LOC131768270: variants seen among roughly 807,000 people sequenced by gnomAD.
At chr5:140,567,646 G>C in the LOC131768270 span, 12 of 1,614,124 alleles carry the variant, frequency 7.4e-6, no homozygotes, top group Non-Finnish European at 1.0e-5. Context: ...ATGCAGCAGG[G>C]GGCCTTCAAG....
the LOC131768270 span, chr5:140,567,304 A>G: frequency 6.2e-7 from 1 of 1,614,118 alleles, no homozygotes; most frequent in East Asian, 2.2e-5. Context: ...TGGACGGCCG[A>G]GTGCCCTTCC....
chr5:140,567,938 G>C, the LOC131768270 span: 1 of 1,614,184 alleles, frequency 6.2e-7, no homozygotes, highest in Non-Finnish European at 8.5e-7. Context: ...AGCACTCGTG[G>C]TGCTGAGCCA....
chr5:140,565,616 G>T, the LOC131768270 span: 1 of 280,354 alleles, frequency 3.6e-6, no homozygotes, highest in Non-Finnish European at 6.6e-6. Context: ...CCTACATACT[G>T]CTTGCTATAT....
the LOC131768270 span, chr5:140,565,938 T>TG: frequency 2.5e-6 from 1 of 398,948 alleles, no homozygotes; most frequent in Non-Finnish European, 4.4e-6. Flanking sequence ...TGCAGCGGCG[T>TG]GTAGAAGACG....
At chr5:140,566,084 C>A in the LOC131768270 span, 4 of 396,534 alleles carry the variant, frequency 1.0e-5, no homozygotes, top group Admixed American at 1.3e-4. Flanking sequence ...AGGGCCTATT[C>A]TCAGTCACCC....
chr5:140,566,205 G>C, the LOC131768270 span, among the ~76,000 whole-genome samples: 2 of 152,182 alleles, frequency 1.3e-5, no homozygotes, highest in African/African-American at 4.8e-5. Context: ...TAAAGGCCTT[G>C]TGGTAGGAAG....
chr5:140,568,073 C>G, the LOC131768270 span: 1 of 1,613,942 alleles, frequency 6.2e-7, no homozygotes, highest in African/African-American at 1.3e-5. Flanking sequence ...ACGGCTGCAG[C>G]TCACAGCCGC....
chr5:140,566,290 C>T, the LOC131768270 span, among the ~76,000 whole-genome samples: 110 of 152,242 alleles, frequency 7.2e-4, no homozygotes, highest in African/African-American at 2.5e-3. Flanking sequence ...GGAAATGAGG[C>T]TGGAGAAACC....
chr5:140,565,965 G>A, the LOC131768270 span: 7 of 398,730 alleles, frequency 1.8e-5, no homozygotes, highest in Non-Finnish European at 2.2e-5. Context: ...ACAGTGGAGT[G>A]GGCCAGGTAA....
the LOC131768270 span, chr5:140,567,606 T>A: frequency 5.6e-6 from 9 of 1,614,090 alleles, no homozygotes; most frequent in East Asian, 8.9e-5. Context: ...GGGTTAGCGC[T>A]GCTGCTGCTG....
At chr5:140,568,132 T>C in the LOC131768270 span, 2 of 1,613,222 alleles carry the variant, frequency 1.2e-6, no homozygotes, top group Middle Eastern at 1.6e-4. Flanking sequence ...GCCTGTACTA[T>C]GGCAGCCGCT....
At chr5:140,565,533 G>A in the LOC131768270 span, 1 of 174,114 alleles carries the variant, frequency 5.7e-6, no homozygotes, top group Non-Finnish European at 1.2e-5. Flanking sequence ...GACTTTCAAG[G>A]AGCTCATAAT....
the LOC131768270 span, chr5:140,568,200 AT>A: frequency 1.9e-6 from 3 of 1,612,186 alleles, no homozygotes; most frequent in South Asian, 3.3e-5. Flanking sequence ...CCACCACCAG[AT>A]CCCCCTCCCA....
the LOC131768270 span, chr5:140,566,613 T>C: frequency 2.3e-6 from 1 of 440,576 alleles, no homozygotes. Context: ...CCTGGCTGGC[T>C]ATGTGGTGGC....
chr5:140,567,896 C>G, the LOC131768270 span: 48 of 1,614,060 alleles, frequency 3.0e-5, no homozygotes, highest in Non-Finnish European at 4.1e-5. Flanking sequence ...CGGCTCTGGC[C>G]CAGGCCTCCT....
chr5:140,567,617 A>C, the LOC131768270 span: 4 of 1,614,044 alleles, frequency 2.5e-6, no homozygotes, highest in Admixed American at 1.7e-5. Context: ...GCTGCTGCTG[A>C]TGGCTGCGGG....
At chr5:140,567,328 C>T in the LOC131768270 span, 27 of 1,614,068 alleles carry the variant, frequency 1.7e-5, no homozygotes, top group African/African-American at 2.7e-5. Flanking sequence ...CCTCCTCAGC[C>T]GTGCTGCTGA....
chr5:140,565,715 A>T, the LOC131768270 span: 9 of 390,518 alleles, frequency 2.3e-5, no homozygotes, highest in Non-Finnish European at 2.7e-5. Context: ...TGTGCTTTTC[A>T]ATGCTTGTCT....
At chr5:140,566,086 C>G in the LOC131768270 span, 1 of 396,478 alleles carries the variant, frequency 2.5e-6, no homozygotes, top group Admixed American at 4.4e-5. Context: ...GGCCTATTCT[C>G]AGTCACCCTA....
Sources: allele counts gnomAD v4.1 joint callset (sites outside exome capture counted in the v4.1 genomes callset), GRCh38; gene constraint gnomAD v4.1.1; transcripts MANE v1.5.